MTMR8: variants seen among roughly 807,000 people sequenced by gnomAD.
MTMR8 encodes phosphatidylinositol-3,5-bisphosphate 3-phosphatase MTMR8.
In MTMR8, 65 loss-of-function variants were observed where a neutral mutation model predicts 39.3. The observed-to-expected ratio is 1.65, with a 90% CI of 1.35 to 2.03. MTMR8 has a LOEUF of 2.03. Among genes scored for constraint, MTMR8 ranks in the 30% most tolerant of loss-of-function variants. The pLI, the probability that MTMR8 is intolerant of heterozygous loss-of-function variation, is 0.00. For synonymous variants in MTMR8, 245 were observed against 185.2 expected (o/e 1.32, Z -2.62); for missense variants, 777 against 538.9 (o/e 1.44, Z -4.37).
chrX:64,377,536 G>T (rs183692673), intron 1 of MTMR8, among the ~76,000 whole-genome samples: 1 of 112,427 alleles, frequency 8.9e-6, no homozygotes, highest in African/African-American at 3.2e-5. Context: ...CTTGCATGGT[G>T]CCTCTTTGTT....
chrX:64,362,471 G>GGAAAAAAAA (rs1923810797), intron 1 of MTMR8, among the ~76,000 whole-genome samples: 1 of 5,503 alleles, frequency 1.8e-4, no homozygotes, highest in Non-Finnish European at 3.6e-4. Flanking sequence ...TACTATTGCA[G>GGAAAAAAAA]AAAAAAAAAA....
intron 2 of MTMR8, among the ~76,000 whole-genome samples, chrX:64,358,843 GCA>G (rs762422321): frequency 0.019 from 1,693 of 90,585 alleles, 20 homozygotes; most frequent in Middle Eastern, 0.041. Context: ...GCCCGTGCAT[GCA>G]CACACACACA....
chrX:64,303,337 G>C (rs184583896), intron 12 of MTMR8, among the ~76,000 whole-genome samples: 1 of 111,889 alleles, frequency 8.9e-6, no homozygotes, highest in East Asian at 2.8e-4. Flanking sequence ...AATTTCATAA[G>C]CTAGTTTTCT....
intron 12 of MTMR8, among the ~76,000 whole-genome samples, chrX:64,297,506 G>A (rs1445400712): frequency 1.9e-4 from 16 of 85,142 alleles, no homozygotes; most frequent in South Asian, 7.1e-4. Flanking sequence ...AGTAGGTTGC[G>A]AAAATTTTCT....
chrX:64,305,833 A>T, intron 12 of MTMR8: 1 of 325,527 alleles, frequency 3.1e-6, no homozygotes, highest in East Asian at 6.1e-5. Flanking sequence ...GCCATAACCC[A>T]GGCTGGGCAT....
At chrX:64,271,528 G>C (rs912190704) in intron 12 of MTMR8, among the ~76,000 whole-genome samples, 1 of 111,887 alleles carries the variant, frequency 8.9e-6, no homozygotes. Context: ...CCCTGGATAA[G>C]TATGAAACCA....
intron 12 of MTMR8, among the ~76,000 whole-genome samples, chrX:64,319,891 T>C (rs1922585372): frequency 9.0e-6 from 1 of 111,538 alleles, no homozygotes; most frequent in Non-Finnish European, 1.9e-5. Context: ...ATGCGGGCTC[T>C]TTTTTGGTTC....
At chrX:64,304,435 T>C (rs1922009439) in intron 12 of MTMR8, among the ~76,000 whole-genome samples, 1 of 111,698 alleles carries the variant, frequency 9.0e-6, no homozygotes, top group Admixed American at 9.5e-5. Context: ...CCCTAGATTT[T>C]AAAGATGATA....
chrX:64,393,717 G>A (rs140006036), intron 1 of MTMR8, among the ~76,000 whole-genome samples: 56 of 111,983 alleles, frequency 5.0e-4, no homozygotes, highest in African/African-American at 1.8e-3. Flanking sequence ...AGGCAAGGCT[G>A]GCTGGCTTTT....
Position 64,367,904 on chromosome X carries a change from C to T in MTMR8, c.25-8377G>A, listed in dbSNP as rs900161957. Among the ~76,000 whole-genome samples the T allele has an allele frequency of 1.2e-4, 14 of 112,192 alleles. No individual in the cohort carries two copies. The East Asian group carries it at 2.5e-3, about 20-fold the overall frequency. ...ATCTCATTAAGCTGATAGGCAACTT[C>T]AGCAAGGTCTCAGGATACAAAATCA... On this transcript the variant is annotated intron_variant, in intron 1 of 13. Coordinates refer to ENST00000374852, the MANE Select transcript of MTMR8 (RefSeq NM_017677.4).
At chrX:64,345,241 T>C in intron 6 of MTMR8, 64 bp from the exon 7 acceptor site, 2 of 1,060,957 alleles carry the variant, frequency 1.9e-6, no homozygotes, top group South Asian at 4.1e-5. Context: ...AGTTCATCAA[T>C]CTCAATGCCT....
At chrX:64,291,336 C>T (rs951568467) in intron 12 of MTMR8, among the ~76,000 whole-genome samples, 1 of 111,017 alleles carries the variant, frequency 9.0e-6, no homozygotes, top group African/African-American at 3.3e-5. Flanking sequence ...AATAAAGACC[C>T]CACATCACTG....
chrX:64,367,081 A>T (rs1356635029), intron 1 of MTMR8, among the ~76,000 whole-genome samples: 1 of 111,901 alleles, frequency 8.9e-6, no homozygotes, highest in Non-Finnish European at 1.9e-5. Context: ...CTCTGAATAG[A>T]CCAATAACAA....
chrX:64,325,812 G>C (rs1922774986), intron 12 of MTMR8, among the ~76,000 whole-genome samples: 1 of 111,774 alleles, frequency 8.9e-6, no homozygotes, highest in Admixed American at 9.5e-5. Flanking sequence ...AGAAAGAAAT[G>C]AAAGCTATCC....
chrX:64,275,927 C>T (rs1261180364), intron 12 of MTMR8, among the ~76,000 whole-genome samples: 1 of 111,415 alleles, frequency 9.0e-6, no homozygotes, highest in Non-Finnish European at 1.9e-5. Context: ...AAAAACTGAA[C>T]AGACTAATAT....
In MTMR8 at chrX:64,328,903, GT is replaced by G. The variant is rs1411381325; in HGVS notation, c.1353-4del. 1 of 1,185,270 alleles carries G rather than the reference GT, an allele frequency of 8.4e-7. No homozygotes were observed. The highest frequency in any genetic ancestry group is 1.1e-6 in the Non-Finnish European group (1 of 887,496). ...CAGAATGTGTTTTCTCATAGACTCTGTTAGAAAAGAAAAACAAGCCAAAAAA... is the reference window on the plus strand; with the variant it reads ...CAGAATGTGTTTTCTCATAGACTCTGTAGAAAAGAAAAACAAGCCAAAAAA... On this transcript the variant is annotated splice_region_variant and splice_polypyrimidine_tract_variant and intron_variant, in intron 11 of 13. Coordinates refer to ENST00000374852, the MANE Select transcript of MTMR8 (RefSeq NM_017677.4).
intron 12 of MTMR8, among the ~76,000 whole-genome samples, chrX:64,317,177 C>T (rs1412970044): frequency 9.2e-6 from 1 of 108,154 alleles, no homozygotes; most frequent in African/African-American, 3.4e-5. Flanking sequence ...TTTCATGTAA[C>T]TTTATTTGGG....
At chrX:64,302,593 C>T (rs752258975) in intron 12 of MTMR8, among the ~76,000 whole-genome samples, 15 of 112,343 alleles carry the variant, frequency 1.3e-4, no homozygotes, top group African/African-American at 3.6e-4. Flanking sequence ...CTCCTCCCCT[C>T]GGACCCTATG....
chrX:64,383,549 G>A (rs1236811036), intron 1 of MTMR8, among the ~76,000 whole-genome samples: 1 of 109,559 alleles, frequency 9.1e-6, no homozygotes, highest in Non-Finnish European at 1.9e-5. Context: ...CAGCTACTAG[G>A]GAGGCCTCAG....
Sources: allele counts gnomAD v4.1 joint callset (sites outside exome capture counted in the v4.1 genomes callset), GRCh38; gene constraint gnomAD v4.1.1; transcripts MANE v1.5; gene names NCBI Gene and HGNC (gene_info 2026-07-23, HGNC 2026-07-21).